RASGRP3: variants seen among roughly 807,000 people sequenced by gnomAD.
RASGRP3 encodes the protein RAS guanyl releasing protein 3.
Under a neutral mutation model 82.7 loss-of-function variants are expected in RASGRP3, and 54 were observed. That is an observed-to-expected ratio of 0.65 (90% CI 0.52 to 0.82). The LOEUF is 0.82. RASGRP3 is among the 40% of genes least tolerant of loss of function. The pLI, the probability that RASGRP3 is intolerant of heterozygous loss-of-function variation, is 0.00. For missense variants in RASGRP3, 861 were observed against 828.9 expected, an observed-to-expected ratio of 1.04 and a Z score of -0.48; for synonymous variants, 309 against 300.5, an observed-to-expected ratio of 1.03 and a Z score of -0.29.
At chr2:33,495,577 G>C (rs1216829825) in intron 1 of RASGRP3, among the ~76,000 whole-genome samples, 1 of 152,096 alleles carries the variant, frequency 6.6e-6, no homozygotes, top group Non-Finnish European at 1.5e-5. Flanking sequence ...ATGATGTAAT[G>C]AGTGAAATGA....
intron 1 of RASGRP3, among the ~76,000 whole-genome samples, chr2:33,478,762 A>C (rs1212498957): frequency 6.6e-6 from 1 of 152,226 alleles, no homozygotes; most frequent in Non-Finnish European, 1.5e-5. Flanking sequence ...TATCGGAGTT[A>C]CGGTGCAGAG....
intron 1 of RASGRP3, among the ~76,000 whole-genome samples, chr2:33,502,518 G>A (rs1235575807): frequency 8.7e-6 from 1 of 114,622 alleles, no homozygotes; most frequent in African/African-American, 3.6e-5. Flanking sequence ...TTTTTTTTGA[G>A]ATGGAATTTC....
intron 2 of RASGRP3, among the ~76,000 whole-genome samples, chr2:33,448,368 CA>C (rs1483842161): frequency 6.6e-6 from 1 of 152,090 alleles, no homozygotes; most frequent in Admixed American, 6.5e-5. Flanking sequence ...TTCATAGCAG[CA>C]TTATTTATAA....
chr2:33,463,143 T>C (rs925806149), intron 2 of RASGRP3, among the ~76,000 whole-genome samples: 2 of 152,122 alleles, frequency 1.3e-5, no homozygotes, highest in Non-Finnish European at 2.9e-5. Flanking sequence ...ATAAAAATAA[T>C]TGGGGGAGAA....
In RASGRP3 at chr2:33,543,614, C is replaced by T; in HGVS notation, c.1381C>T (p.Leu461=). 6.3e-7 allele frequency: 1 copy of T among 1,593,610 alleles called. No homozygotes were observed. The highest frequency in any genetic ancestry group is 1.1e-5 in the South Asian group (1 of 89,910). The change falls in exon 13 of 18, where the codon CTG becomes TTG. Residue 461 remains leucine, a synonymous_variant. Transcript: ENST00000403687. The part of the protein sequence containing the change: ...NFPFLDSFCV[L]DKDQDGLISK... ...TCCCTTCTTGGATTCCTTCTGTGTT[C>T]TGGACAAAGATCAGTAAGTTTTAAT...
At chr2:33,457,572 CT>C (rs916390398) in intron 2 of RASGRP3, among the ~76,000 whole-genome samples, 8 of 150,710 alleles carry the variant, frequency 5.3e-5, no homozygotes, top group African/African-American at 1.5e-4. Flanking sequence ...TCCTTCCTTC[CT>C]TTTTTTTTGA....
At chr2:33,472,438 G>A (rs984118223), upstream of RASGRP3, among the ~76,000 whole-genome samples, 1 of 152,162 alleles carries the variant, frequency 6.6e-6, no homozygotes, top group Admixed American at 6.5e-5. Flanking sequence ...TCAGAGACAG[G>A]CTTTTTGGAG....
At chr2:33,548,852 C>T (rs184001212) in intron 13 of RASGRP3, among the ~76,000 whole-genome samples, 185 of 152,166 alleles carry the variant, frequency 1.2e-3, no homozygotes, top group Middle Eastern at 6.8e-3. Context: ...CCACGTCCAG[C>T]TAATTTTTGT....
intron 1 of RASGRP3, chr2:33,482,271 C>A (rs1668008915): frequency 6.6e-6 from 1 of 152,340 alleles, no homozygotes; most frequent in Admixed American, 6.5e-5. Context: ...GCCTGGGCCT[C>A]CCAAAGTGCT....
intron 15 of RASGRP3, among the ~76,000 whole-genome samples, chr2:33,557,602 C>T (rs1014147593): frequency 1.4e-4 from 21 of 151,322 alleles, no homozygotes; most frequent in South Asian, 4.2e-4. Context: ...CCCAGCTACT[C>T]GGGAGGCTGA....
At chr2:33,470,978 G>A (rs1332654583) in intron 2 of RASGRP3, among the ~76,000 whole-genome samples, 2 of 152,020 alleles carry the variant, frequency 1.3e-5, no homozygotes, top group Non-Finnish European at 2.9e-5. Flanking sequence ...CTAGAACAGT[G>A]TTAAATGGAT....
intron 11 of RASGRP3, among the ~76,000 whole-genome samples, chr2:33,534,816 C>T (rs1673448518): frequency 6.6e-6 from 1 of 151,134 alleles, no homozygotes. Context: ...GCTTGGATTA[C>T]AGGCATGAGT....
intron 12 of RASGRP3, chr2:33,539,691 C>CA (rs1401342597): frequency 6.6e-6 from 1 of 152,436 alleles, no homozygotes; most frequent in Non-Finnish European, 1.5e-5. Flanking sequence ...AAGGCTCTGT[C>CA]AGAGTTTTCC....
chr2:33,477,715 G>T (rs866312642), intron 1 of RASGRP3, among the ~76,000 whole-genome samples: 6 of 152,170 alleles, frequency 3.9e-5, no homozygotes, highest in Non-Finnish European at 8.8e-5. Flanking sequence ...CAGAGGAAAG[G>T]CAAAAGGGGA....
chr2:33,449,703 G>A (rs1665684747), intron 2 of RASGRP3, among the ~76,000 whole-genome samples: 1 of 151,688 alleles, frequency 6.6e-6, no homozygotes, highest in African/African-American at 2.4e-5. Flanking sequence ...AGGTTGCAGT[G>A]AGCCGAGATT....
chr2:33,478,644 C>T (rs145161537), intron 1 of RASGRP3, among the ~76,000 whole-genome samples: 1 of 152,298 alleles, frequency 6.6e-6, no homozygotes, highest in East Asian at 1.9e-4. Context: ...AATGATTTTA[C>T]TTGCAGATAG....
At chr2:33,510,158 T>C (rs1025453040) in intron 1 of RASGRP3, among the ~76,000 whole-genome samples, 1 of 152,236 alleles carries the variant, frequency 6.6e-6, no homozygotes, top group African/African-American at 2.4e-5. Flanking sequence ...TATGTAGTCA[T>C]TTATGCATAA....
At chr2:33,490,134 C>A (rs1293091491) in intron 1 of RASGRP3, among the ~76,000 whole-genome samples, 1 of 152,098 alleles carries the variant, frequency 6.6e-6, no homozygotes, top group Non-Finnish European at 1.5e-5. Flanking sequence ...TAACTGGAAC[C>A]CATTCTCTTC....
intron 6 of RASGRP3, among the ~76,000 whole-genome samples, chr2:33,521,000 C>T (rs1671978218): frequency 1.3e-5 from 2 of 152,226 alleles, no homozygotes; most frequent in Non-Finnish European, 2.9e-5. Context: ...TCTGAATCTA[C>T]TTAATGTCTC....
Sources: allele counts gnomAD v4.1 joint callset (sites outside exome capture counted in the v4.1 genomes callset), GRCh38; gene constraint gnomAD v4.1.1; transcripts MANE v1.5; gene names NCBI Gene and HGNC (gene_info 2026-07-23, HGNC 2026-07-21).